Variants in PUDP observed in about 807,000 individuals in gnomAD.
PUDP encodes pseudouridine 5'-phosphatase.
PUDP carries 8 observed loss-of-function variants against 9.4 expected under a neutral mutation model. The ratio of observed to expected loss-of-function variants is 0.85; its 90% CI spans 0.50 to 1.53. The LOEUF is 1.53. Ranked by LOEUF, PUDP falls within the 40% of genes most tolerant of loss-of-function variation. The pLI, the probability that PUDP is intolerant of heterozygous loss-of-function variation, is 0.00. For synonymous variants in PUDP, 99 were observed against 80.7 expected (o/e 1.23, Z -1.22); for missense variants, 188 against 189.7 (o/e 0.99, Z 0.05).
At chrX:6,788,150 A>C (rs1018525263) in intron 3 of PUDP, among the ~76,000 whole-genome samples, 2 of 112,140 alleles carry the variant, frequency 1.8e-5, no homozygotes, top group Non-Finnish European at 3.8e-5. Flanking sequence ...ATTCAGTAGA[A>C]GCCATACCTT....
At position 7,042,637 on chromosome X, in the gene PUDP, G is replaced by A. The variant is rs373565459; in HGVS notation, c.204+34583C>T. Among the ~76,000 whole-genome samples the A allele has an allele frequency of 8.2e-5, 7 of 85,386 alleles. No individual in the cohort carries two copies. The East Asian group carries it at 2.6e-3, about 32-fold the overall frequency. The allele number at this position is 85,386 out of a possible 115,157, so 74.1% of individuals were successfully genotyped here. ...TGAACATGCATGTACAAGTTTCTGG[G>A]TGGACATATGTTTTCATTTTTTGGG... On this transcript the variant is annotated intron_variant and NMD_transcript_variant, in intron 1 of 3. Coordinates refer to the PUDP transcript ENST00000655425.
intron 3 of PUDP, among the ~76,000 whole-genome samples, chrX:6,872,847 G>C (rs1015826699): frequency 2.7e-5 from 3 of 111,018 alleles, no homozygotes; most frequent in Non-Finnish European, 5.7e-5. Context: ...AGGTAACTAA[G>C]TCAGGGAGCA....
intron 3 of PUDP, among the ~76,000 whole-genome samples, chrX:7,052,487 A>G (rs756806795): frequency 8.9e-6 from 1 of 112,074 alleles, no homozygotes; most frequent in South Asian, 3.7e-4. Flanking sequence ...TTTCAGTAGA[A>G]AACACTGAAA....
intron 3 of PUDP, among the ~76,000 whole-genome samples, chrX:6,976,172 G>A (rs1296175119): frequency 2.7e-5 from 3 of 111,754 alleles, no homozygotes; most frequent in African/African-American, 9.8e-5. Context: ...AGGCCACTTG[G>A]CTCCCTGGCT....
chrX:6,867,764 A>G (rs1927111824), intron 3 of PUDP, among the ~76,000 whole-genome samples: 1 of 111,432 alleles, frequency 9.0e-6, no homozygotes, highest in Admixed American at 9.6e-5. Flanking sequence ...GCTATTACAG[A>G]ATACCACAGA....
At chrX:6,725,950 A>G (rs1291569055), upstream of PUDP, among the ~76,000 whole-genome samples, 1 of 111,849 alleles carries the variant, frequency 8.9e-6, no homozygotes, top group Non-Finnish European at 1.9e-5. Flanking sequence ...TTGTATCAAA[A>G]AGACACCTGC....
chrX:6,815,344 T>C (rs1259139029), intron 3 of PUDP, among the ~76,000 whole-genome samples: 1 of 111,009 alleles, frequency 9.0e-6, no homozygotes, highest in African/African-American at 3.3e-5. Flanking sequence ...AAAGAAAAAG[T>C]AAAGGTATGT....
intron 3 of PUDP, among the ~76,000 whole-genome samples, chrX:6,744,152 T>C (rs371260091): frequency 8.9e-6 from 1 of 112,027 alleles, no homozygotes. Flanking sequence ...GAGGACAATT[T>C]TGTCAATTAT....
At chrX:7,021,430 C>A (rs1343145156) in intron 1 of PUDP, among the ~76,000 whole-genome samples, 1 of 111,331 alleles carries the variant, frequency 9.0e-6, no homozygotes, top group East Asian at 2.8e-4. Context: ...TAATGCACCC[C>A]CCCTTAGTTT....
intron 3 of PUDP, among the ~76,000 whole-genome samples, chrX:6,975,255 G>A (rs5935279): frequency 9.2e-6 from 1 of 108,303 alleles, no homozygotes; most frequent in Non-Finnish European, 1.9e-5. Context: ...GGTTCCCTTG[G>A]TGGCGAGGAG....
At chrX:6,990,129 GCACA>G (rs373150266) in intron 1 of PUDP, among the ~76,000 whole-genome samples, 4 of 107,200 alleles carry the variant, frequency 3.7e-5, no homozygotes, top group Non-Finnish European at 5.8e-5. Flanking sequence ...AGGCGCGCAT[GCACA>G]CACACACACA....
intron 1 of PUDP, among the ~76,000 whole-genome samples, chrX:7,122,215 A>ATGTGTGTGTG (rs62871862): frequency 6.0e-5 from 6 of 99,958 alleles, no homozygotes; most frequent in African/African-American, 2.2e-4. Context: ...AAACCCATAT[A>ATGTGTGTGTG]TGTGTGTGTG....
intron 3 of PUDP, among the ~76,000 whole-genome samples, chrX:6,940,137 C>A (rs1305076462): frequency 1.8e-5 from 2 of 113,110 alleles, no homozygotes; most frequent in East Asian, 5.6e-4. Flanking sequence ...ATCTTCAAAA[C>A]TCTTTTTAGG....
At chrX:6,785,157 G>A (rs973755520) in intron 3 of PUDP, among the ~76,000 whole-genome samples, 2 of 112,455 alleles carry the variant, frequency 1.8e-5, no homozygotes. Flanking sequence ...ACATCAATGA[G>A]TAATTCATTA....
intron 1 of PUDP, among the ~76,000 whole-genome samples, chrX:6,718,099 T>C (rs1172006169): frequency 9.0e-6 from 1 of 111,580 alleles, no homozygotes; most frequent in Admixed American, 9.6e-5. Flanking sequence ...ATATTAGCAC[T>C]GTGTCAGATA....
intron 3 of PUDP, among the ~76,000 whole-genome samples, chrX:6,768,032 T>G (rs1423771876): frequency 8.9e-6 from 1 of 111,740 alleles, no homozygotes; most frequent in African/African-American, 3.3e-5. Context: ...TCAGGGAAGC[T>G]TGACCAGGAA....
chrX:6,900,547 G>C (rs1927664953), intron 3 of PUDP, among the ~76,000 whole-genome samples: 1 of 108,864 alleles, frequency 9.2e-6, no homozygotes, highest in East Asian at 2.9e-4. Context: ...GAGACGGAGA[G>C]GGAGAGAGGG....
At chrX:6,780,601 C>G (rs1925544281) in intron 3 of PUDP, among the ~76,000 whole-genome samples, 2 of 111,537 alleles carry the variant, frequency 1.8e-5, no homozygotes, top group Admixed American at 1.9e-4. Context: ...AATTGAGATG[C>G]TTTGCACCTG....
chrX:6,852,128 C>T (rs1926835784), intron 3 of PUDP, among the ~76,000 whole-genome samples: 1 of 111,899 alleles, frequency 8.9e-6, no homozygotes, highest in Non-Finnish European at 1.9e-5. Flanking sequence ...TTGCATAATT[C>T]CAGGAGCACC....
Sources: gnomAD v4.1 joint callset for allele counts (sites outside exome capture counted in the v4.1 genomes callset) on GRCh38, gnomAD v4.1.1 for gene constraint, MANE v1.5 for transcripts, NCBI Gene and HGNC (gene_info 2026-07-23, HGNC 2026-07-21) for gene names.